Variants in NOBOX observed in about 807,000 individuals in gnomAD.
The protein encoded by NOBOX is homeobox protein NOBOX.
In NOBOX, 46 loss-of-function variants were observed where a neutral mutation model predicts 60.2. The observed-to-expected ratio is 0.76, with a 90% confidence interval of 0.60 to 0.98. NOBOX has a LOEUF of 0.98. Ranked by LOEUF, NOBOX falls within the 50% of genes least tolerant of loss-of-function variation. The pLI, the probability that NOBOX is intolerant of heterozygous loss-of-function variation, is 0.00. For missense variants in NOBOX, 880 were observed against 865.5 expected (o/e 1.02, Z -0.21); for synonymous variants, 360 against 346.3 (o/e 1.04, Z -0.44).
chr7:144,398,923 A>G, intron 8 of NOBOX, 27 bp downstream of exon 6: 2 of 1,310,164 alleles, frequency 1.5e-6, no homozygotes, highest in Non-Finnish European at 2.2e-6. Flanking sequence ...AGATAACTAG[A>G]GTGACCTACC....
At chr7:144,399,252 ACACAAGC>A in intron 7 of NOBOX, 74 bp from the exon 6 acceptor site, 1 of 946,662 alleles carries the variant, frequency 1.1e-6, no homozygotes, top group Non-Finnish European at 1.6e-6. Context: ...TGAATGGTAG[ACACAAGC>A]CATGCCCAGG....
Position 144,410,201 on chromosome 7 carries a change from T to C in NOBOX, c.27A>G (p.Ser9=), listed in dbSNP as rs758228386. ...TGTCCCAGGTACCCTCCAGGTCTGG[T>C]GATGTTAGTGTCAAAAGGAGAGCCA... The change falls in exon 1 of 10, where the codon TCA becomes TCG. Residue 9 remains serine (S), a synonymous_variant. Coordinates refer to ENST00000467773, the MANE Select transcript of NOBOX (RefSeq NM_001080413.3). 6.4e-7 allele frequency: 1 copy of C among 1,568,934 alleles called. No individual in the cohort carries two copies. The highest frequency in any genetic ancestry group is 1.3e-5 in the African/African-American group (1 of 74,144).
chr7:144,398,286 A>G lies in NOBOX; in HGVS notation c.1770T>C (p.Asn590=). ...TCTCTCCCAGCCTCAACTCACCTAT[A>G]TTCCCAGCAGGTGGTTGCATCAGGA... The change falls in exon 9 of 10, where the codon AAT becomes AAC. Residue 590 remains asparagine (N), a synonymous_variant. Coordinates refer to ENST00000467773, the MANE Select transcript of NOBOX (RefSeq NM_001080413.3). 6.5e-7 allele frequency: 1 copy of G among 1,537,076 alleles called. No homozygotes were observed. Among genetic ancestry groups the G allele is most frequent in the Non-Finnish European group, 8.7e-7 (1 of 1,146,868 alleles).
intron 5 of NOBOX, 131 bp from the exon 4 acceptor site, chr7:144,399,994 A>G: frequency 7.6e-7 from 1 of 1,313,832 alleles, no homozygotes; most frequent in Non-Finnish European, 1.1e-6. Context: ...GCCCTCCGTC[A>G]GGCTGGTTTT....
At chr7:144,410,080 T>A in intron 1 of NOBOX, 2 of 1,071,132 alleles carry the variant, frequency 1.9e-6, no homozygotes, top group South Asian at 2.8e-5. Flanking sequence ...GGAAGACAAC[T>A]CTGTCTTCTG....
In NOBOX at chr7:144,401,962, C is replaced by A. The variant is rs921332021; in HGVS notation, c.211-12G>T. On this transcript the variant is annotated splice_polypyrimidine_tract_variant and intron_variant, in intron 2 of 9. Coordinates refer to ENST00000467773, the MANE Select transcript of NOBOX (RefSeq NM_001080413.3). The surrounding 1 kb of genome is among the most constrained non-coding windows in gnomAD (Gnocchi z 4.2). Reference sequence around the variant, plus strand: ...GGATCATGTTGGGGCTGCGGATGGACCAGGAAGACAAAGAGAAACAGATTG... The same window carrying A: ...GGATCATGTTGGGGCTGCGGATGGAACAGGAAGACAAAGAGAAACAGATTG... 5 of 1,594,760 alleles carry A rather than the reference C, an allele frequency of 3.1e-6. No individual in the cohort carries two copies. Among genetic ancestry groups the A allele is most frequent in the African/African-American group, 1.3e-5 (1 of 74,430 alleles).
Position 144,399,473 on chromosome 7 carries a change from A to G in NOBOX, c.1164T>C (p.Ala388=). Residue 388 remains alanine (A), a synonymous_variant, in exon 7 of 10, where the codon GCT becomes GCC. Transcript: ENST00000467773. ...CCATGGGCACAGCAGGTAGGATCTC[A>G]GCTGCAGAGCTGGAGGCAGGAAGAA... 1 of 1,544,050 alleles carries G rather than the reference A, an allele frequency of 6.5e-7. No homozygotes were observed. Among genetic ancestry groups the G allele is most frequent in the Admixed American group, 1.9e-5 (1 of 54,006 alleles).
intron 1 of NOBOX, among the ~76,000 whole-genome samples, chr7:144,406,176 A>T (rs2053983928): frequency 6.6e-6 from 1 of 152,232 alleles, no homozygotes; most frequent in African/African-American, 2.4e-5. Flanking sequence ...AATTGCCCAT[A>T]GGCTGTATGG....
chr7:144,399,942 G>T, intron 5 of NOBOX, 79 bp from the exon 4 acceptor site: 1 of 1,335,124 alleles, frequency 7.5e-7, no homozygotes, highest in Non-Finnish European at 1.0e-6. Flanking sequence ...TGCACAAGGA[G>T]CTACAGGACT....
chr7:144,407,785 C>T (rs2128863746), intron 1 of NOBOX, among the ~76,000 whole-genome samples: 2 of 152,350 alleles, frequency 1.3e-5, no homozygotes, highest in South Asian at 4.1e-4. Flanking sequence ...CAAGTTCTGG[C>T]GTGAATTAGC....
chr7:144,405,908 T>A (rs2053982121), intron 1 of NOBOX, among the ~76,000 whole-genome samples: 1 of 152,084 alleles, frequency 6.6e-6, no homozygotes, highest in Admixed American at 6.5e-5. Flanking sequence ...TTGCAAAAAC[T>A]AAGTCAGTTA....
Position 144,399,698 on chromosome 7 carries a change from C to T in NOBOX, c.1154+59G>A. 9 of 1,411,806 alleles carry T rather than the reference C, an allele frequency of 6.4e-6. No homozygotes were observed. In the South Asian group the frequency reaches 1.1e-4, roughly 17 times the overall value. 87.5% of individuals were successfully genotyped at this position (1,411,806 alleles called of 1,614,324 possible). On this transcript the variant is annotated intron_variant, in intron 6 of 9. Transcript: ENST00000467773. ...TGGTCTCCTTCTAGACCCTCAGGAT[C>T]CCAGCTTGGACCCCACTTCTACCCA... is the stretch of plus-strand genomic sequence containing the variant.
rs2053918098 is a variant in NOBOX at position 144,399,171 on chromosome 7, G to A, written c.1248C>T (p.Pro416=). 6.5e-7 allele frequency: 1 copy of A among 1,537,006 alleles called. No homozygotes were observed. The highest frequency in any genetic ancestry group is 8.9e-7 in the Non-Finnish European group (1 of 1,125,650). Residue 416 remains proline (P), a synonymous_variant, in exon 8 of 10, where the codon CCC becomes CCT. Transcript: ENST00000467773. Reference sequence around the variant, plus strand: ...AAGTCTGGTCAGAAGTCAGCAGCATGGGGGGCTCTAGGAACAGAAGGCAAA... The same window carrying A: ...AAGTCTGGTCAGAAGTCAGCAGCATAGGGGGCTCTAGGAACAGAAGGCAAA...
intron 7 of NOBOX, 96 bp from the exon 6 acceptor site, chr7:144,399,274 C>G: frequency 1.1e-6 from 1 of 944,278 alleles, no homozygotes; most frequent in Non-Finnish European, 1.7e-6. Context: ...CCCAGGTCCC[C>G]CTGAATAGGC....
rs1459780495 is a variant in NOBOX, at chr7:144,397,449, C to T, written c.1867G>A (p.Gly623Ser). Residue 623 changes from glycine to serine, a missense_variant, in exon 10 of 10, where the codon GGC becomes AGC. By Grantham distance (56) the Gly-to-Ser change is moderately conservative (BLOSUM62 0). Transcript: ENST00000467773. ...GTTGGAAATAGATCAGGAAAGTAGC[C>T]ATCCCCTCCTGGGGGATGCCCCAGA... 6 of 1,537,116 alleles carry T rather than the reference C, an allele frequency of 3.9e-6. No individual in the cohort carries two copies. In the South Asian group the frequency reaches 7.1e-5, roughly 18 times the overall value.
At chr7:144,399,975 T>C in intron 5 of NOBOX, 112 bp from the exon 4 acceptor site, 1 of 1,276,866 alleles carries the variant, frequency 7.8e-7, no homozygotes, top group South Asian at 1.4e-5. Flanking sequence ...TCCAGCACTC[T>C]GCTTCTGAGC....
intron 1 of NOBOX, among the ~76,000 whole-genome samples, chr7:144,408,232 G>A (rs2053998651): frequency 6.8e-6 from 1 of 147,660 alleles, no homozygotes; most frequent in African/African-American, 2.5e-5. Flanking sequence ...ATATCAGCAT[G>A]AAACTTTTTT....
intron 2 of NOBOX, 56 bp downstream of exon 1, chr7:144,403,601 C>A (rs1015154451): frequency 4.0e-5 from 27 of 680,324 alleles, no homozygotes; most frequent in Admixed American, 6.2e-5. Context: ...AGGCCTCCCC[C>A]CCTCCCCGAA....
chr7:144,403,564 G>A, intron 2 of NOBOX, 93 bp downstream of exon 1: 1 of 485,610 alleles, frequency 2.1e-6, no homozygotes, highest in South Asian at 1.7e-5. Flanking sequence ...AAGCTCTTAG[G>A]TCGGCTAACG....
Sources: gnomAD v4.1 joint callset for allele counts (sites outside exome capture counted in the v4.1 genomes callset) on GRCh38, gnomAD v4.1.1 for gene constraint, Gnocchi (gnomAD v3.1) non-coding constraint, MANE v1.5 for transcripts, NCBI Gene and HGNC (gene_info 2026-07-23, HGNC 2026-07-21) for gene names.